The following HDAC9 variants were observed in gnomAD, a reference collection of about 807,000 sequenced individuals.
HDAC9 encodes the protein histone deacetylase 9.
A neutral mutation model predicts 139.4 loss-of-function variants in HDAC9; 41 were observed. The ratio of observed to expected loss-of-function variants is 0.29; its 90% confidence interval spans 0.23 to 0.38. HDAC9 has a LOEUF of 0.38. Ranked by LOEUF, HDAC9 falls within the 10% of genes least tolerant of loss-of-function variation. HDAC9 has a pLI of 1.00. For missense variants in HDAC9, 1,147 were observed against 1,297.0 expected, an observed-to-expected ratio of 0.88 and a Z score of 1.78; for synonymous variants, 517 against 476.2, an observed-to-expected ratio of 1.09 and a Z score of -1.12.
chr7:18,909,022 GA>G (rs1360870086), intron 22 of HDAC9, among the ~76,000 whole-genome samples: 1 of 152,030 alleles, frequency 6.6e-6, no homozygotes, highest in Non-Finnish European at 1.5e-5. Context: ...CAGTGTATAA[GA>G]GTTCATTTTT....
intron 24 of HDAC9, among the ~76,000 whole-genome samples, chr7:18,955,454 A>G (rs1345091379): frequency 6.6e-6 from 1 of 152,132 alleles, no homozygotes; most frequent in Non-Finnish European, 1.5e-5. Flanking sequence ...AAAATATCTC[A>G]GTTTTTATAC....
intron 17 of HDAC9, among the ~76,000 whole-genome samples, chr7:18,793,727 C>T (rs1792535946): frequency 6.6e-6 from 1 of 152,110 alleles, no homozygotes; most frequent in African/African-American, 2.4e-5. Flanking sequence ...AGCTATGGTT[C>T]AGGTAAAAAA....
At position 19,001,945 on chromosome 7, in the gene HDAC9, G is replaced by C. The variant is rs1585538795; in HGVS notation, c.*5883G>C. ...TGTTGATATGTATGCCAATAGCCTAGAATTTTTGGCTTAGTGTAAAATAAA... is the reference window on the plus strand; with the variant it reads ...TGTTGATATGTATGCCAATAGCCTACAATTTTTGGCTTAGTGTAAAATAAA... On this transcript the variant is annotated 3_prime_UTR_variant, in exon 26 of 26. Transcript: ENST00000686413. 2 of 152,044 alleles carry C rather than the reference G, an allele frequency of 1.3e-5. No homozygotes were observed. The highest frequency in any genetic ancestry group is 2.4e-5 in the African/African-American group (1 of 41,424). The allele number at this position is 152,044 out of a possible 1,614,324, so 9.4% of individuals were successfully genotyped here.
intron 21 of HDAC9, among the ~76,000 whole-genome samples, chr7:18,853,710 T>G (rs1398988569): frequency 6.6e-6 from 1 of 152,176 alleles, no homozygotes; most frequent in Non-Finnish European, 1.5e-5. Context: ...TTAATAGAAC[T>G]TAAGGGCAGC....
At chr7:18,088,839 A>G (rs932145054) in intron 1 of HDAC9, among the ~76,000 whole-genome samples, 4 of 152,242 alleles carry the variant, frequency 2.6e-5, no homozygotes, top group Admixed American at 2.6e-4. Context: ...AATGGCTAAT[A>G]AGAATATTAT....
intron 1 of HDAC9, among the ~76,000 whole-genome samples, chr7:18,396,079 A>ATTCCCTTCCCTTCCCTTTCC (rs1787007010): frequency 2.2e-5 from 1 of 46,444 alleles, no homozygotes; most frequent in Non-Finnish European, 5.5e-5. Flanking sequence ...TCAAAGTGTC[A>ATTCCCTTCCCTTCCCTTTCC]TTCCCTTCCC....
intron 2 of HDAC9, among the ~76,000 whole-genome samples, chr7:18,270,906 A>G (rs537757769): frequency 6.6e-6 from 1 of 152,268 alleles, no homozygotes; most frequent in African/African-American, 2.4e-5. Context: ...AGTTAACAAA[A>G]TTTTCCCTTT....
intron 6 of HDAC9, among the ~76,000 whole-genome samples, chr7:18,601,406 A>G (rs1833900969): frequency 6.6e-6 from 1 of 151,308 alleles, no homozygotes. Context: ...AGACGATGTG[A>G]TTTGTGGACA....
chr7:18,279,537 C>A (rs558261992), intron 2 of HDAC9, among the ~76,000 whole-genome samples: 10 of 151,900 alleles, frequency 6.6e-5, no homozygotes, highest in Non-Finnish European at 1.3e-4. Flanking sequence ...GTGATCTCAG[C>A]TCACTGCAAC....
chr7:18,360,696 C>T (rs1783707210), intron 1 of HDAC9, among the ~76,000 whole-genome samples: 1 of 152,154 alleles, frequency 6.6e-6, no homozygotes, highest in Non-Finnish European at 1.5e-5. Context: ...ACTCTTGGCA[C>T]CACTCATTTC....
intron 2 of HDAC9, among the ~76,000 whole-genome samples, chr7:18,266,370 A>G (rs1364844911): frequency 6.6e-6 from 1 of 152,116 alleles, no homozygotes; most frequent in Non-Finnish European, 1.5e-5. Flanking sequence ...TAGGCCAAAT[A>G]CTCAGGTCTG....
chr7:18,564,619 T>C (rs1195557138), intron 2 of HDAC9, among the ~76,000 whole-genome samples: 10 of 152,222 alleles, frequency 6.6e-5, no homozygotes, highest in Admixed American at 5.9e-4. Context: ...ATATGCACTA[T>C]AATGTTTATA....
intron 2 of HDAC9, among the ~76,000 whole-genome samples, chr7:18,529,277 C>G (rs1287310456): frequency 2.0e-5 from 3 of 152,092 alleles, no homozygotes; most frequent in Non-Finnish European, 4.4e-5. Context: ...CTTTTCCTTC[C>G]TCATCTTCCT....
intron 1 of HDAC9, among the ~76,000 whole-genome samples, chr7:18,309,977 T>G (rs2128623388): frequency 6.6e-6 from 1 of 152,320 alleles, no homozygotes; most frequent in Non-Finnish European, 1.5e-5. Context: ...GTGTGATTCC[T>G]GGACCATTAG....
intron 12 of HDAC9, among the ~76,000 whole-genome samples, chr7:18,672,539 A>C (rs1017797036): frequency 1.3e-5 from 2 of 152,046 alleles, no homozygotes; most frequent in Non-Finnish European, 2.9e-5. Context: ...TTTGATGCAC[A>C]AAAGTTTTGA....
chr7:18,826,936 T>C (rs781015793), intron 17 of HDAC9, among the ~76,000 whole-genome samples: 1 of 151,876 alleles, frequency 6.6e-6, no homozygotes, highest in Non-Finnish European at 1.5e-5. Context: ...TAATTCATTT[T>C]TGTTATAAAA....
At chr7:18,622,205 A>C (rs1840393798) in intron 6 of HDAC9, among the ~76,000 whole-genome samples, 1 of 152,244 alleles carries the variant, frequency 6.6e-6, no homozygotes, top group African/African-American at 2.4e-5. Context: ...ACAATGCCAG[A>C]AAGGGATCTG....
chr7:18,784,478 T>C (rs946211175), intron 16 of HDAC9, among the ~76,000 whole-genome samples: 3 of 151,512 alleles, frequency 2.0e-5, no homozygotes, highest in Non-Finnish European at 2.9e-5. Context: ...TTGCTCTCAG[T>C]GTGAACAATA....
chr7:18,362,363 G>C (rs1432995573), intron 1 of HDAC9, among the ~76,000 whole-genome samples: 1 of 152,120 alleles, frequency 6.6e-6, no homozygotes, highest in African/African-American at 2.4e-5. Flanking sequence ...CTTTGTAGAA[G>C]AACTTTGGTT....
Sources: gnomAD v4.1 joint callset for allele counts (sites outside exome capture counted in the v4.1 genomes callset) on GRCh38, gnomAD v4.1.1 for gene constraint, MANE v1.5 for transcripts, NCBI Gene and HGNC (gene_info 2026-07-23, HGNC 2026-07-21) for gene names.